The following ICAM2 variants were observed in gnomAD, a reference collection of about 807,000 sequenced individuals.
ICAM2 encodes the protein intercellular adhesion molecule 2.
Under a neutral mutation model 19.1 loss-of-function variants are expected in ICAM2, and 14 were observed. The ratio of observed to expected loss-of-function variants is 0.73; its 90% CI spans 0.48 to 1.15. The LOEUF is 1.15. ICAM2 is among the 50% of genes most tolerant of loss of function. The pLI is 0.00. For synonymous variants in ICAM2, 153 were observed against 152.7 expected (o/e 1.00, Z -0.01); for missense variants, 311 against 355.4 (o/e 0.88, Z 1.00).
At position 64,006,599 on chromosome 17, in the gene ICAM2, G is replaced by A. The variant is rs760771577; in HGVS notation, c.61+32C>T. ...ACCCCCACCCTCTCGGCTGGCATGTGCCAAATCAGGAACCCCAGGAAACTG... is the reference window on the plus strand; with the variant it reads ...ACCCCCACCCTCTCGGCTGGCATGTACCAAATCAGGAACCCCAGGAAACTG... On this transcript the variant is annotated intron_variant, in intron 2 of 4. Transcript: ENST00000579788. 11 of 1,604,914 alleles carry A rather than the reference G, an allele frequency of 6.9e-6. No homozygotes were observed. The South Asian group carries it at 7.7e-5, about 11-fold the overall frequency.
chr17:64,018,846 C>T (rs1479535540), intron 1 of ICAM2, among the ~76,000 whole-genome samples: 3 of 151,202 alleles, frequency 2.0e-5, no homozygotes, highest in East Asian at 1.9e-4. Context: ...CTCAGTCTCC[C>T]GAATAGCTGA....
At chr17:64,011,893 G>A (rs1259654752) in intron 1 of ICAM2, among the ~76,000 whole-genome samples, 1 of 152,152 alleles carries the variant, frequency 6.6e-6, no homozygotes, top group Non-Finnish European at 1.5e-5. Context: ...AACTACAGAG[G>A]ATCTAGCAAT....
At chr17:64,008,068 G>T (rs1197530273) in intron 1 of ICAM2, among the ~76,000 whole-genome samples, 4 of 152,200 alleles carry the variant, frequency 2.6e-5, no homozygotes, top group Non-Finnish European at 4.4e-5. Context: ...GGAGGGCAGG[G>T]TGAGGTCCTG....
rs542573041 is a variant in ICAM2, at chr17:64,007,300, C to T, written c.-44-565G>A. On this transcript the variant is annotated intron_variant, in intron 1 of 4. Transcript: ENST00000579788. ...TTTTGAGATGGAGTCTCACTCTTGT[C>T]GCCCAGGCTGGAGTGCTGTGGCACA... 2.6e-5 allele frequency among the ~76,000 whole-genome samples: 4 copies of T among 151,338 alleles called. No homozygotes were observed. In the East Asian group the frequency reaches 5.8e-4, roughly 22 times the overall value.
intron 1 of ICAM2, among the ~76,000 whole-genome samples, chr17:64,018,601 T>A (rs1236412901): frequency 6.6e-6 from 1 of 151,930 alleles, no homozygotes; most frequent in Non-Finnish European, 1.5e-5. Flanking sequence ...AATTAGGCAT[T>A]ATCTTGTAAA....
chr17:64,012,457 G>A (rs750175154), intron 1 of ICAM2, among the ~76,000 whole-genome samples: 6 of 152,088 alleles, frequency 3.9e-5, no homozygotes, highest in Non-Finnish European at 1.5e-5. Flanking sequence ...AAAATTGGCC[G>A]GGCATAGTGG....
chr17:64,016,913 TA>T (rs1408849517), intron 1 of ICAM2, among the ~76,000 whole-genome samples: 3 of 152,192 alleles, frequency 2.0e-5, no homozygotes, highest in Non-Finnish European at 2.9e-5. Flanking sequence ...ATCAACAGAT[TA>T]AAAAAATTGA....
intron 1 of ICAM2, among the ~76,000 whole-genome samples, chr17:64,016,081 T>A (rs1490882409): frequency 6.6e-6 from 1 of 152,136 alleles, no homozygotes; most frequent in African/African-American, 2.4e-5. Flanking sequence ...CAGTGTAACC[T>A]TAATATCTAA....
rs1407459238 is a variant in ICAM2 at position 64,016,667 on chromosome 17, C to A, written c.-45+3856G>T. ...CAGAGGTCTCAGCAGAATAAGCTTC[C>A]GTCGCCTACAGCTGCAACATCAGTC... On this transcript the variant is annotated intron_variant, in intron 1 of 4. Coordinates refer to ENST00000579788, the MANE Select transcript of ICAM2 (RefSeq NM_001099789.2). Among the ~76,000 whole-genome samples the A allele has an allele frequency of 2.0e-5, 3 of 152,214 alleles. 1 individual carries two copies. In the South Asian group the frequency reaches 6.2e-4, roughly 31 times the overall value.
intron 1 of ICAM2, among the ~76,000 whole-genome samples, chr17:64,014,741 G>T (rs1345027422): frequency 9.6e-6 from 1 of 103,674 alleles, no homozygotes; most frequent in Non-Finnish European, 2.1e-5. Context: ...AAGAAAGAAA[G>T]AAAGAAAGAA....
At chr17:64,005,450 G>T (rs546072128) in intron 2 of ICAM2, 77 bp from the exon 3 acceptor site, 2 of 1,508,232 alleles carry the variant, frequency 1.3e-6, no homozygotes, top group South Asian at 1.2e-5. Flanking sequence ...CATTGAGGCA[G>T]TCTGGCTCCT....
chr17:64,018,646 A>G (rs1362525017), intron 1 of ICAM2, among the ~76,000 whole-genome samples: 1 of 150,252 alleles, frequency 6.7e-6, no homozygotes, highest in African/African-American at 2.5e-5. Context: ...TCACAGTTCC[A>G]TTCTTAGATG....
chr17:64,003,253 TC>T (rs1910930273), intron 4 of ICAM2: 1 of 426,434 alleles, frequency 2.3e-6, no homozygotes, highest in African/African-American at 2.0e-5. Flanking sequence ...CCAAGCCCCT[TC>T]TTGGGCAGAG....
At chr17:64,007,403 C>G (rs1911263108) in intron 1 of ICAM2, among the ~76,000 whole-genome samples, 1 of 152,118 alleles carries the variant, frequency 6.6e-6, no homozygotes, top group Non-Finnish European at 1.5e-5. Flanking sequence ...GCTGACATTA[C>G]AGGATCGCGT....
At chr17:64,008,689 G>T (rs1911320052) in intron 1 of ICAM2, among the ~76,000 whole-genome samples, 1 of 152,226 alleles carries the variant, frequency 6.6e-6, no homozygotes, top group Admixed American at 6.5e-5. Flanking sequence ...GAAGAGGATT[G>T]TTAGGAGCCT....
chr17:64,006,909 G>C, intron 1 of ICAM2, 174 bp from the exon 2 acceptor site: 1 of 591,492 alleles, frequency 1.7e-6, no homozygotes, highest in Non-Finnish European at 3.0e-6. Context: ...CTGGGAAGCT[G>C]CTGATAAGCA....
intron 2 of ICAM2, 24 bp from the exon 3 acceptor site, chr17:64,005,397 A>C (rs543148370): frequency 1.9e-6 from 3 of 1,605,070 alleles, no homozygotes; most frequent in Non-Finnish European, 1.7e-6. Context: ...AACACTGGGC[A>C]GTCGTGTCAT....
intron 1 of ICAM2, among the ~76,000 whole-genome samples, chr17:64,012,864 T>C (rs1361531809): frequency 2.0e-5 from 3 of 152,194 alleles, no homozygotes; most frequent in Admixed American, 6.5e-5. Context: ...AATCCCTCCA[T>C]GTATACTGAA....
chr17:64,014,342 A>G (rs148301268), intron 1 of ICAM2, among the ~76,000 whole-genome samples: 5,054 of 44,470 alleles, frequency 0.11, 145 homozygotes, highest in Non-Finnish European at 0.15. Context: ...AAAGAAAGAA[A>G]GAAAGAAAGA....
Sources: gnomAD v4.1 joint callset for allele counts (sites outside exome capture counted in the v4.1 genomes callset) on GRCh38, gnomAD v4.1.1 for gene constraint, MANE v1.5 for transcripts, NCBI Gene and HGNC (gene_info 2026-07-23, HGNC 2026-07-21) for gene names.